KLHL42: variants seen among roughly 807,000 people sequenced by gnomAD.
KLHL42 encodes the protein kelch like family member 42, also known as kelch-like protein 42.
A neutral mutation model predicts 32.7 loss-of-function variants in KLHL42; 27 were observed. The ratio of observed to expected loss-of-function variants is 0.83; its 90% CI spans 0.61 to 1.14. KLHL42 has a LOEUF of 1.14. Ranked by LOEUF, KLHL42 falls within the 50% of genes most tolerant of loss-of-function variation. The pLI is 0.00. For missense variants in KLHL42, 491 were observed against 560.8 expected, an observed-to-expected ratio of 0.88 and a Z score of 1.26; for synonymous variants, 267 against 248.2, an observed-to-expected ratio of 1.08 and a Z score of -0.71.
chr12:27,785,627 C>G (rs956980029), intron 1 of KLHL42, among the ~76,000 whole-genome samples: 2 of 152,128 alleles, frequency 1.3e-5, no homozygotes, highest in African/African-American at 2.4e-5. Context: ...CTGGCTTGGG[C>G]TGAGTGTTCC....
rs2062244407 is a variant in KLHL42 at position 27,800,900 on chromosome 12, CG to C, written c.*2735del. 6.6e-6 allele frequency: 1 copy of C among 152,096 alleles called. No individual in the cohort carries two copies. The highest frequency in any genetic ancestry group is 2.1e-4 in the South Asian group (1 of 4,824). 9.4% of individuals were successfully genotyped at this position (152,096 alleles called of 1,614,324 possible). On this transcript the variant is annotated 3_prime_UTR_variant, in exon 3 of 3. Coordinates refer to ENST00000381271, the MANE Select transcript of KLHL42 (RefSeq NM_020782.2). ...TGGAGGACCTGGGGTGGCAGCCCCC[CG>C]ACCAGAAGCACCCTATTTTATAGAT... is the stretch of plus-strand genomic sequence containing the variant.
At chr12:27,794,358 CT>C (rs2062210127) in intron 2 of KLHL42, among the ~76,000 whole-genome samples, 2 of 152,194 alleles carry the variant, frequency 1.3e-5, no homozygotes, top group Non-Finnish European at 2.9e-5. Context: ...TATGATGCCC[CT>C]GCCTCTGTAT....
chr12:27,798,718 T>C lies in KLHL42; in HGVS notation c.*552T>C, dbSNP rs560730251. 2 of 151,248 alleles carry C rather than the reference T, an allele frequency of 1.3e-5. No individual in the cohort carries two copies. Among genetic ancestry groups the C allele is most frequent in the Admixed American group, 6.6e-5 (1 of 15,252 alleles). The allele number at this position is 151,248 out of a possible 1,614,324, so 9.4% of individuals were successfully genotyped here. On this transcript the variant is annotated 3_prime_UTR_variant, in exon 3 of 3. Coordinates refer to ENST00000381271, the MANE Select transcript of KLHL42 (RefSeq NM_020782.2). ...TGCACACTACTTTTTAGGAAACTTA[T>C]AATGATGGAGCCCTACAGTGAATCC...
chr12:27,793,558 AAAAG>A (rs1157232343), intron 2 of KLHL42, among the ~76,000 whole-genome samples: 1 of 151,960 alleles, frequency 6.6e-6, no homozygotes, highest in Non-Finnish European at 1.5e-5. Flanking sequence ...AAAAAAAAAA[AAAAG>A]AAAAGAAAAA....
intron 2 of KLHL42, among the ~76,000 whole-genome samples, chr12:27,794,950 CCTT>C (rs1565484441): frequency 6.6e-6 from 1 of 151,594 alleles, no homozygotes; most frequent in Non-Finnish European, 1.5e-5. Context: ...ATTGCTTTGA[CCTT>C]CAACACTGGT....
In KLHL42 at chr12:27,800,418, A is replaced by G; in HGVS notation, c.*2252A>G. On this transcript the variant is annotated 3_prime_UTR_variant, in exon 3 of 3. Coordinates refer to ENST00000381271, the MANE Select transcript of KLHL42 (RefSeq NM_020782.2). The stretch of plus-strand genomic sequence containing the variant: ...CTCTTTAAGACAGACATCTAAAAAG[A>G]TTTTGGTTATTCTGGGCTGCCAGCA... The G allele has an allele frequency of 3.1e-6, 3 of 982,432 alleles. No homozygotes were observed. Among genetic ancestry groups the G allele is most frequent in the Non-Finnish European group, 2.4e-6 (2 of 827,482 alleles). 60.9% of individuals were successfully genotyped at this position (982,432 alleles called of 1,614,324 possible). A position where few individuals can be genotyped will look rare whatever the true frequency, so the allele number is the denominator to read the frequency against.
intron 2 of KLHL42, among the ~76,000 whole-genome samples, chr12:27,795,872 C>T (rs967149260): frequency 6.6e-6 from 1 of 152,130 alleles, no homozygotes; most frequent in Non-Finnish European, 1.5e-5. Flanking sequence ...CCAACTCAGG[C>T]CACCTTGTTG....
At position 27,780,547 on chromosome 12, in the gene KLHL42, GGGGCCCGCGAAGGCTGGCTCCT is replaced by G; in HGVS notation, c.227_248del (p.Glu76AlafsTer17). The stretch of plus-strand genomic sequence containing the variant: ...GGTGCTGGACTTCATCAACGCCGGC[GGGGCCCGCGAAGGCTGGCTCCT>G]GGGCCCGCGCGGGGAAAAGGGCGGC... On this transcript the variant is annotated frameshift_variant, in exon 1 of 3. Coordinates refer to ENST00000381271, the MANE Select transcript of KLHL42 (RefSeq NM_020782.2). LOFTEE classifies it high-confidence loss of function. The surrounding 1 kb of genome is among the most constrained non-coding windows in gnomAD (Gnocchi z 8.8). 1 of 1,529,950 alleles carries G rather than the reference GGGGCCCGCGAAGGCTGGCTCCT, an allele frequency of 6.5e-7. No homozygotes were observed. Among genetic ancestry groups the G allele is most frequent in the Non-Finnish European group, 8.7e-7 (1 of 1,143,022 alleles). The allele number at this position is 1,529,950 out of a possible 1,614,324, so 94.8% of individuals were successfully genotyped here. A position where few individuals can be genotyped will look rare whatever the true frequency, so the allele number is the denominator to read the frequency against.
chr12:27,783,492 C>G (rs1022741900), intron 1 of KLHL42, among the ~76,000 whole-genome samples: 14 of 152,144 alleles, frequency 9.2e-5, no homozygotes, highest in Admixed American at 3.3e-4. Flanking sequence ...CTAGGTTGTA[C>G]TAATTATTAT....
In KLHL42 at chr12:27,798,147, C is replaced by A. The variant is rs761787034; in HGVS notation, c.1499C>A (p.Pro500His). 1 of 778,654 alleles carries A rather than the reference C, an allele frequency of 1.3e-6. No individual in the cohort carries two copies. Among genetic ancestry groups the A allele is most frequent in the Admixed American group, 1.7e-5 (1 of 58,862 alleles). 48.2% of individuals were successfully genotyped at this position (778,654 alleles called of 1,614,324 possible). ...TTGCTGGTTTCTTCTCTTTATCTGC[C>A]CAATAAAGCAGAAACATGACTGAAT... ...HNLLVSSLYLPNKAET is the reference protein window; with the variant it reads ...HNLLVSSLYLHNKAET Residue 500 changes from proline (P) to histidine (H), a missense_variant, in exon 3 of 3, where the codon CCC becomes CAC. Physicochemically the swap from Pro to His is moderately conservative, Grantham distance 77. This residue lies in a region of KLHL42 where 152 missense variants were observed against 125.9 expected (regional missense o/e 1.21). Transcript: ENST00000381271.
chr12:27,786,325 C>T (rs537392668), intron 1 of KLHL42, among the ~76,000 whole-genome samples: 30 of 152,304 alleles, frequency 2.0e-4, no homozygotes, highest in African/African-American at 5.5e-4. Context: ...CTCAGCTCCA[C>T]GACAGCCTTT....
chr12:27,795,776 TAG>T (rs1400183873), intron 2 of KLHL42, among the ~76,000 whole-genome samples: 1 of 152,210 alleles, frequency 6.6e-6, no homozygotes, highest in African/African-American at 2.4e-5. Context: ...AGAAGTTCAA[TAG>T]AGAGTAATAG....
intron 2 of KLHL42, among the ~76,000 whole-genome samples, chr12:27,794,194 T>C (rs1487023091): frequency 2.0e-5 from 3 of 152,298 alleles, no homozygotes; most frequent in South Asian, 2.1e-4. Flanking sequence ...TATTTTCTTA[T>C]AGTTCTGGCG....
chr12:27,784,053 C>T (rs904190714), intron 1 of KLHL42, among the ~76,000 whole-genome samples: 10 of 151,842 alleles, frequency 6.6e-5, no homozygotes, highest in Admixed American at 2.6e-4. Context: ...ATCTTAGTAG[C>T]CATATGTGAG....
chr12:27,798,202 A>C lies in KLHL42; in HGVS notation c.*36A>C. 1 of 743,102 alleles carries C rather than the reference A, an allele frequency of 1.3e-6. No individual in the cohort carries two copies. Among genetic ancestry groups the C allele is most frequent in the African/African-American group, 1.7e-5 (1 of 57,820 alleles). 46.0% of individuals were successfully genotyped at this position (743,102 alleles called of 1,614,324 possible). On this transcript the variant is annotated 3_prime_UTR_variant, in exon 3 of 3. Transcript: ENST00000381271. Reference sequence around the variant, plus strand: ...TTGGTAGATGAAAAAAACCTGGTTCAAGTTTTTTTTAAAATGTGGTGTCCC... The same window carrying C: ...TTGGTAGATGAAAAAAACCTGGTTCCAGTTTTTTTTAAAATGTGGTGTCCC...
At position 27,794,664 on chromosome 12, in the gene KLHL42, C is replaced by CT. The variant is rs372225168; in HGVS notation, c.1066+2770dup. On this transcript the variant is annotated intron_variant, in intron 2 of 2. Transcript: ENST00000381271. ...AGCCACTGTGCCTGGCCCAAAGATC[C>CT]TTTTTTTGAATAAAATCACCATTCA... 2.3e-3 allele frequency among the ~76,000 whole-genome samples: 343 copies of CT among 152,058 alleles called. 3 individuals are homozygous for CT. Among genetic ancestry groups the CT allele is most frequent in the African/African-American group, 8.0e-3 (333 of 41,476 alleles).
At chr12:27,787,153 G>A (rs145361356) in intron 1 of KLHL42, among the ~76,000 whole-genome samples, 11 of 152,210 alleles carry the variant, frequency 7.2e-5, no homozygotes, top group South Asian at 4.2e-4. Context: ...TGGTCTGAAC[G>A]TGGGTTTGAT....
chr12:27,780,970 G>A lies in KLHL42; in HGVS notation c.640G>A (p.Gly214Arg). 6.2e-7 allele frequency: 1 copy of A among 1,600,536 alleles called. No individual in the cohort carries two copies. The highest frequency in any genetic ancestry group is 8.5e-7 in the Non-Finnish European group (1 of 1,170,740). ...GGPLAPHPYQGEPPSMLRYEE... is the reference protein window; with the variant it reads ...GGPLAPHPYQREPPSMLRYEE... ...ACCCCTGGCCCCTCACCCCTACCAG[G>A]GGGAGCCCCCGTCCATGCTCAGGTA... Residue 214 changes from glycine to arginine, a missense_variant, in exon 1 of 3, where the codon GGG (glycine) becomes AGG (arginine). Around this residue, in one of 4 missense-constraint regions of KLHL42, gnomAD observed 248 missense variants for 329.2 expected, o/e 0.75. Transcript: ENST00000381271. The surrounding 1 kb of genome is among the most constrained non-coding windows in gnomAD (Gnocchi z 8.8).
intron 2 of KLHL42, among the ~76,000 whole-genome samples, chr12:27,794,082 C>T (rs551328287): frequency 5.9e-5 from 9 of 152,254 alleles, no homozygotes; most frequent in Non-Finnish European, 1.0e-4. Flanking sequence ...TAGAATAAGT[C>T]GAAACATTAA....
Sources: gnomAD v4.1 joint callset for allele counts (sites outside exome capture counted in the v4.1 genomes callset) on GRCh38, gnomAD v4.1.1 for gene constraint, gnomAD v4.1.1 regional missense constraint, Gnocchi (gnomAD v3.1) non-coding constraint, MANE v1.5 for transcripts, NCBI Gene and HGNC (gene_info 2026-07-23, HGNC 2026-07-21) for gene names.